KIAA1549: variants seen among roughly 807,000 people sequenced by gnomAD.
KIAA1549 encodes KIAA1549, also known as UPF0606 protein KIAA1549.
Under a neutral mutation model 156.4 loss-of-function variants are expected in KIAA1549, and 70 were observed. That is an observed-to-expected ratio of 0.45 (90% confidence interval 0.37 to 0.55). The LOEUF (loss-of-function observed/expected upper bound fraction) is 0.55. Ranked by LOEUF, KIAA1549 falls within the 20% of genes least tolerant of loss-of-function variation. The pLI is 0.00. For missense variants in KIAA1549, 2,428 were observed against 2,540.9 expected, an observed-to-expected ratio of 0.96 and a Z score of 0.96; for synonymous variants, 1,103 against 1,066.4, an observed-to-expected ratio of 1.03 and a Z score of -0.67.
chr7:138,922,413 G>A (rs888222583), intron 1 of KIAA1549, among the ~76,000 whole-genome samples: 1 of 152,010 alleles, frequency 6.6e-6, no homozygotes, highest in Non-Finnish European at 1.5e-5. Flanking sequence ...CAAAAGTCAA[G>A]AGAAATCCCA....
At chr7:138,910,309 A>G (rs1812131767) in intron 4 of KIAA1549, among the ~76,000 whole-genome samples, 1 of 152,038 alleles carries the variant, frequency 6.6e-6, no homozygotes, top group Non-Finnish European at 1.5e-5. Flanking sequence ...AGGCCAAGAC[A>G]GGAGGATCGC....
At position 138,900,748 on chromosome 7, in the gene KIAA1549, C is replaced by A. The variant is rs541406488; in HGVS notation, c.3670-1616G>T. ...AGCTGGTGTTAGAAAGGGCCTGGCA[C>A]CTCCCTTCCCTCTCTCTCGCTTCCT... On this transcript the variant is annotated intron_variant, in intron 8 of 19. Coordinates refer to ENST00000422774, the MANE Select transcript of KIAA1549 (RefSeq NM_001164665.2). 2.6e-3 allele frequency among the ~76,000 whole-genome samples: 389 copies of A among 152,320 alleles called. 1 individual carries two copies. The highest frequency in any genetic ancestry group is 4.5e-3 in the Non-Finnish European group (307 of 68,030).
chr7:138,970,780 C>T (rs1198724021), intron 1 of KIAA1549, among the ~76,000 whole-genome samples: 1 of 152,210 alleles, frequency 6.6e-6, no homozygotes, highest in Admixed American at 6.5e-5. Flanking sequence ...TGGAAGCTGG[C>T]TCCATAAGAT....
At chr7:138,960,397 C>CT (rs1392226100) in intron 1 of KIAA1549, among the ~76,000 whole-genome samples, 1 of 103,640 alleles carries the variant, frequency 9.6e-6, no homozygotes, top group African/African-American at 8.8e-5. Context: ...GCAACCTCTG[C>CT]CCCCCGGTTC....
chr7:138,854,683 T>C (rs751082476), intron 16 of KIAA1549, among the ~76,000 whole-genome samples: 29 of 152,062 alleles, frequency 1.9e-4, no homozygotes, highest in Non-Finnish European at 3.5e-4. Flanking sequence ...ATGATTCTGG[T>C]TTTCCACTAG....
At position 138,836,766 on chromosome 7, in the gene KIAA1549, T is replaced by C. The variant is rs1196073535; in HGVS notation, c.*1140A>G. ...AGAAATGAGAAGCAACTCTCTCCTT[T>C]CCCTTGGGGTCTCAAAGCTCTTTTA... On this transcript the variant is annotated 3_prime_UTR_variant, in exon 20 of 20. Transcript: ENST00000422774. 1 of 222,348 alleles carries C rather than the reference T, an allele frequency of 4.5e-6. No individual in the cohort carries two copies. Among genetic ancestry groups the C allele is most frequent in the African/African-American group, 2.2e-5 (1 of 44,736 alleles). The allele number at this position is 222,348 out of a possible 1,614,324, so 13.8% of individuals were successfully genotyped here. A position where few individuals can be genotyped will look rare whatever the true frequency, so the allele number is the denominator to read the frequency against.
At chr7:138,922,357 C>T (rs1214091406) in intron 1 of KIAA1549, among the ~76,000 whole-genome samples, 4 of 151,952 alleles carry the variant, frequency 2.6e-5, no homozygotes, top group African/African-American at 4.8e-5. Flanking sequence ...TTGCAGAGCA[C>T]AGAAGTAAAA....
At chr7:138,966,243 C>T (rs1435328505) in intron 1 of KIAA1549, among the ~76,000 whole-genome samples, 4 of 152,022 alleles carry the variant, frequency 2.6e-5, no homozygotes, top group Non-Finnish European at 5.9e-5. Flanking sequence ...GACCCCTATC[C>T]AATACCACGG....
chr7:138,863,392 A>G (rs1380451540), intron 15 of KIAA1549, among the ~76,000 whole-genome samples: 1 of 152,012 alleles, frequency 6.6e-6, no homozygotes, highest in Non-Finnish European at 1.5e-5. Flanking sequence ...CTCTACAGAC[A>G]CATCCTTAAA....
At chr7:138,931,655 G>A (rs1301522619) in intron 1 of KIAA1549, among the ~76,000 whole-genome samples, 1 of 151,662 alleles carries the variant, frequency 6.6e-6, no homozygotes, top group African/African-American at 2.4e-5. Context: ...GGGAGGCTGA[G>A]GCAGGAGACT....
intron 1 of KIAA1549, among the ~76,000 whole-genome samples, chr7:138,967,423 A>G (rs1244637396): frequency 2.0e-5 from 3 of 152,206 alleles, no homozygotes; most frequent in African/African-American, 7.2e-5. Flanking sequence ...CATATCTGAG[A>G]TGAGAAAGTT....
At chr7:138,948,059 G>C (rs137985759) in intron 1 of KIAA1549, among the ~76,000 whole-genome samples, 1 of 152,090 alleles carries the variant, frequency 6.6e-6, no homozygotes, top group African/African-American at 2.4e-5. Context: ...CACTGCACCC[G>C]GCCTCAGGGA....
At chr7:138,895,488 A>G (rs557795448) in intron 9 of KIAA1549, among the ~76,000 whole-genome samples, 1 of 152,306 alleles carries the variant, frequency 6.6e-6, no homozygotes, top group African/African-American at 2.4e-5. Context: ...TGCACAGATG[A>G]ACCTTGAAAA....
intron 18 of KIAA1549, among the ~76,000 whole-genome samples, chr7:138,843,392 C>A (rs572151462): frequency 6.6e-6 from 1 of 152,160 alleles, no homozygotes; most frequent in Non-Finnish European, 1.5e-5. Flanking sequence ...GTATCTTCTA[C>A]AATAAAAATA....
intron 16 of KIAA1549, among the ~76,000 whole-genome samples, chr7:138,857,665 A>G (rs903994210): frequency 7.9e-5 from 12 of 152,356 alleles, no homozygotes; most frequent in African/African-American, 2.9e-4. Flanking sequence ...TTGAAGCTCT[A>G]ATACTATGCA....
intron 1 of KIAA1549, among the ~76,000 whole-genome samples, chr7:138,962,508 C>A (rs1376005824): frequency 1.3e-5 from 2 of 152,182 alleles, no homozygotes; most frequent in African/African-American, 4.8e-5. Flanking sequence ...CCGCTAGCTC[C>A]TGCTTCATTC....
chr7:138,866,174 C>G (rs1446174511), intron 15 of KIAA1549, among the ~76,000 whole-genome samples: 1 of 152,324 alleles, frequency 6.6e-6, no homozygotes, highest in Admixed American at 6.5e-5. Context: ...CATTTACAGA[C>G]AGCCTAACTC....
chr7:138,871,776 G>C (rs543161294), intron 12 of KIAA1549, among the ~76,000 whole-genome samples: 3 of 152,320 alleles, frequency 2.0e-5, no homozygotes, highest in East Asian at 3.9e-4. Context: ...ATCTGGCAGG[G>C]AGCTCGCTGG....
At chr7:138,870,233 G>A (rs77833426) in intron 13 of KIAA1549, among the ~76,000 whole-genome samples, 458 of 151,992 alleles carry the variant, frequency 3.0e-3, no homozygotes, top group Non-Finnish European at 4.6e-3. Context: ...GCTCCACGGA[G>A]TCACCGAGAG....
Sources: gnomAD v4.1 joint callset for allele counts (sites outside exome capture counted in the v4.1 genomes callset) on GRCh38, gnomAD v4.1.1 for gene constraint, MANE v1.5 for transcripts, NCBI Gene and HGNC (gene_info 2026-07-23, HGNC 2026-07-21) for gene names.